The following SYT1 variants were observed in gnomAD, a reference collection of about 807,000 sequenced individuals.
SYT1 encodes synaptotagmin-1.
In SYT1, 8 loss-of-function variants were observed where a neutral mutation model predicts 44.8. The ratio of observed to expected loss-of-function variants is 0.18; its 90% CI spans 0.10 to 0.32. The LOEUF is 0.32. Ranked by LOEUF, SYT1 falls within the 10% of genes least tolerant of loss-of-function variation. The pLI is 1.00. For synonymous variants in SYT1, 154 were observed against 188.8 expected (o/e 0.82, Z 1.51); for missense variants, 286 against 509.3 (o/e 0.56, Z 4.22).
chr12:79,265,903 T>C (rs1377981170), intron 4 of SYT1, among the ~76,000 whole-genome samples: 1 of 152,204 alleles, frequency 6.6e-6, no homozygotes, highest in Non-Finnish European at 1.5e-5. Flanking sequence ...GCAAAAATTA[T>C]TTAGAAAAAC....
chr12:79,285,514 T>C (rs1879265643), intron 4 of SYT1, among the ~76,000 whole-genome samples: 1 of 152,154 alleles, frequency 6.6e-6, no homozygotes, highest in Non-Finnish European at 1.5e-5. Context: ...AGTGAAGAGA[T>C]GTGTTCCTAG....
At chr12:79,057,410 CA>C (rs200766787) in intron 3 of SYT1, among the ~76,000 whole-genome samples, 1,765 of 151,992 alleles carry the variant, frequency 0.012, 39 homozygotes, top group African/African-American at 0.039. Context: ...TGACCCCCCC[CA>C]AATGATATTA....
chr12:79,262,877 CAAAT>C (rs896268267), intron 4 of SYT1, among the ~76,000 whole-genome samples: 2 of 152,068 alleles, frequency 1.3e-5, no homozygotes, highest in African/African-American at 4.8e-5. Context: ...CCCTACAAAA[CAAAT>C]AGGCAAAAAA....
chr12:79,371,542 T>C (rs1213693641), intron 9 of SYT1, among the ~76,000 whole-genome samples: 4 of 152,218 alleles, frequency 2.6e-5, no homozygotes, highest in African/African-American at 9.6e-5. Flanking sequence ...TTTTCTTCAG[T>C]GTGTTTCTTA....
chr12:79,248,918 T>C (rs562736156), intron 4 of SYT1, among the ~76,000 whole-genome samples: 137 of 152,222 alleles, frequency 9.0e-4, no homozygotes, highest in Non-Finnish European at 1.5e-3. Flanking sequence ...TTATCTGTTT[T>C]TAGAGGTAGG....
intron 3 of SYT1, among the ~76,000 whole-genome samples, chr12:79,078,801 C>G (rs1477249105): frequency 6.6e-6 from 1 of 152,084 alleles, no homozygotes; most frequent in Non-Finnish European, 1.5e-5. Context: ...TACACACACA[C>G]AGAAAGAAAC....
chr12:79,419,401 C>T (rs1420176318), intron 9 of SYT1: 4 of 419,172 alleles, frequency 9.5e-6, no homozygotes, highest in Non-Finnish European at 2.0e-5. Flanking sequence ...TAGTGGTAAG[C>T]TCACAGTATC....
intron 3 of SYT1, among the ~76,000 whole-genome samples, chr12:79,050,741 A>G (rs138394451): frequency 4.8e-4 from 73 of 152,114 alleles, no homozygotes; most frequent in African/African-American, 1.6e-3. Flanking sequence ...ATTTTAACCA[A>G]TAAAACATCT....
chr12:79,350,549 G>A (rs1374421753), intron 8 of SYT1, among the ~76,000 whole-genome samples: 1 of 152,000 alleles, frequency 6.6e-6, no homozygotes, highest in East Asian at 1.9e-4. Flanking sequence ...ACCGCGCCCG[G>A]CCCTCAGGAT....
chr12:79,358,826 T>C (rs1265318109), intron 9 of SYT1, among the ~76,000 whole-genome samples: 1 of 152,028 alleles, frequency 6.6e-6, no homozygotes, highest in African/African-American at 2.4e-5. Flanking sequence ...TCTTCATGGA[T>C]TGTTGGAAAT....
chr12:78,928,703 A>T (rs1877443903), intron 1 of SYT1, among the ~76,000 whole-genome samples: 3 of 152,158 alleles, frequency 2.0e-5, no homozygotes, highest in African/African-American at 7.2e-5. Context: ...CAGCTTGGAT[A>T]CACTGGACAA....
chr12:78,997,916 G>T (rs980634965), intron 2 of SYT1, among the ~76,000 whole-genome samples: 1 of 152,046 alleles, frequency 6.6e-6, no homozygotes, highest in African/African-American at 2.4e-5. Context: ...TAGTGATCCT[G>T]GTGCCTGAAA....
At chr12:79,445,222 G>A (rs1331397451) in intron 10 of SYT1, among the ~76,000 whole-genome samples, 5 of 151,984 alleles carry the variant, frequency 3.3e-5, no homozygotes, top group Admixed American at 1.3e-4. Flanking sequence ...GGGGCACATA[G>A]TAATGTTTTC....
At chr12:79,100,326 C>G (rs934043078) in intron 3 of SYT1, among the ~76,000 whole-genome samples, 2 of 152,138 alleles carry the variant, frequency 1.3e-5, no homozygotes, top group Non-Finnish European at 2.9e-5. Flanking sequence ...ATCTAGCTCC[C>G]AAACCTCGTC....
At chr12:79,311,984 A>G (rs1219619762) in intron 8 of SYT1, among the ~76,000 whole-genome samples, 1 of 151,650 alleles carries the variant, frequency 6.6e-6, no homozygotes, top group African/African-American at 2.4e-5. Flanking sequence ...TAACCTGCAC[A>G]TTGTGCACAT....
chr12:79,199,669 A>G (rs1218396134), intron 3 of SYT1, among the ~76,000 whole-genome samples: 1 of 152,146 alleles, frequency 6.6e-6, no homozygotes, highest in Non-Finnish European at 1.5e-5. Context: ...ACCTAAGTTT[A>G]CTCACATTTA....
At chr12:79,046,571 G>A (rs1224831837) in intron 2 of SYT1, 3 of 151,934 alleles carry the variant, frequency 2.0e-5, no homozygotes, top group South Asian at 2.1e-4. Flanking sequence ...CTCTTGAGAA[G>A]GGTTTAATTT....
chr12:79,351,184 A>C (rs1029192406), intron 8 of SYT1, among the ~76,000 whole-genome samples: 1 of 152,198 alleles, frequency 6.6e-6, no homozygotes, highest in African/African-American at 2.4e-5. Flanking sequence ...CATAACTTTA[A>C]AATTACAAGT....
intron 3 of SYT1, among the ~76,000 whole-genome samples, chr12:79,084,559 T>C (rs1344966878): frequency 6.6e-6 from 1 of 152,132 alleles, no homozygotes; most frequent in Non-Finnish European, 1.5e-5. Context: ...TTTAGTGATA[T>C]TCACACTGGA....
Sources: gnomAD v4.1 joint callset for allele counts (sites outside exome capture counted in the v4.1 genomes callset) on GRCh38, gnomAD v4.1.1 for gene constraint, MANE v1.5 for transcripts, NCBI Gene and HGNC (gene_info 2026-07-23, HGNC 2026-07-21) for gene names.